The following PLEKHM2 variants were observed in gnomAD, a reference collection of about 807,000 sequenced individuals.
PLEKHM2 encodes pleckstrin homology domain-containing family M member 2.
In PLEKHM2, 77 loss-of-function variants were observed where a neutral mutation model predicts 116.3. That is an observed-to-expected ratio of 0.66 (90% CI 0.55 to 0.80). PLEKHM2 has a LOEUF of 0.80. Ranked by LOEUF, PLEKHM2 falls within the 30% of genes least tolerant of loss-of-function variation. PLEKHM2 has a pLI of 0.00. For synonymous variants in PLEKHM2, 562 were observed against 571.0 expected, an observed-to-expected ratio of 0.98 and a Z score of 0.22; for missense variants, 1,183 against 1,354.9, an observed-to-expected ratio of 0.87 and a Z score of 1.99.
chr1:15,682,620 AAAAC>A (rs1214920591), upstream of PLEKHM2, among the ~76,000 whole-genome samples: 1 of 110,236 alleles, frequency 9.1e-6, no homozygotes, highest in Non-Finnish European at 1.8e-5. Flanking sequence ...CTCTGTCTCA[AAAAC>A]AAACAAAACA....
At chr1:15,688,790 A>C (rs1168929907) in intron 1 of PLEKHM2, among the ~76,000 whole-genome samples, 1 of 152,204 alleles carries the variant, frequency 6.6e-6, no homozygotes, top group Non-Finnish European at 1.5e-5. Flanking sequence ...GAAATGTCCA[A>C]GTCAACGACA....
intron 1 of PLEKHM2, among the ~76,000 whole-genome samples, chr1:15,691,221 C>T (rs983063248): frequency 6.6e-6 from 1 of 152,104 alleles, no homozygotes; most frequent in Non-Finnish European, 1.5e-5. Context: ...AGACATATGC[C>T]ACCACGTCCA....
At chr1:15,688,394 G>A (rs1640815119) in intron 1 of PLEKHM2, among the ~76,000 whole-genome samples, 1 of 152,200 alleles carries the variant, frequency 6.6e-6, no homozygotes, top group African/African-American at 2.4e-5. Flanking sequence ...GCTCACGCCT[G>A]TAATCCCAGC....
chr1:15,712,972 T>G (rs1553159495), intron 1 of PLEKHM2, among the ~76,000 whole-genome samples: 2 of 152,198 alleles, frequency 1.3e-5, no homozygotes, highest in Non-Finnish European at 2.9e-5. Context: ...AGCTAATTTT[T>G]GTATTTTTAG....
rs780949383 is a variant in PLEKHM2 at position 15,727,058 on chromosome 1, C to G, written c.986C>G (p.Ser329Ter). The change falls in exon 9 of 20, where the codon TCA (serine) becomes TGA (stop). Residue 329 changes from serine to a stop codon, truncating the protein, a stop_gained. Transcript: ENST00000375799. LOFTEE classifies it high-confidence loss of function. This position sits in a 1 kb window ranked among gnomAD's most constrained non-coding sequence, Gnocchi z 7.5. The stretch of plus-strand genomic sequence containing the variant: ...ATTGGCAAGAAGAAAAAGAGCAGAT[C>G]AGATGAGGAGGCAAGTCCACTCCAC... The part of the protein sequence containing the change: ...KKIGKKKKSR[S>*]DEEASPLHPA... 1.3e-6 allele frequency: 2 copies of G among 1,499,050 alleles called. No homozygotes were observed. The highest frequency in any genetic ancestry group is 2.4e-5 in the Admixed American group (1 of 41,046). The allele number at this position is 1,499,050 out of a possible 1,614,324, so 92.9% of individuals were successfully genotyped here. A position where few individuals can be genotyped will look rare whatever the true frequency, so the allele number is the denominator to read the frequency against.
chr1:15,682,285 C>T (rs1188216129), upstream of PLEKHM2, among the ~76,000 whole-genome samples: 3 of 151,932 alleles, frequency 2.0e-5, no homozygotes, highest in East Asian at 5.8e-4. Flanking sequence ...CCCGTCTCTA[C>T]TAAAAATACA....
At chr1:15,724,096 T>G (rs1396410165) in intron 7 of PLEKHM2, among the ~76,000 whole-genome samples, 1 of 151,948 alleles carries the variant, frequency 6.6e-6, no homozygotes, top group Non-Finnish European at 1.5e-5. Context: ...GGCAGATGGC[T>G]GGGTGGGGCG....
chr1:15,682,872 C>T (rs898379874), upstream of PLEKHM2: 7 of 152,172 alleles, frequency 4.6e-5, no homozygotes, highest in African/African-American at 1.7e-4. Flanking sequence ...AGGGACTAAT[C>T]TATGTGTCAG....
At chr1:15,691,882 G>A (rs1640894512) in intron 1 of PLEKHM2, among the ~76,000 whole-genome samples, 2 of 152,118 alleles carry the variant, frequency 1.3e-5, no homozygotes, top group African/African-American at 2.4e-5. Context: ...GCTGAGGTGG[G>A]AGGATCACTT....
chr1:15,733,432 C>T (rs1169740903), intron 19 of PLEKHM2, among the ~76,000 whole-genome samples: 1 of 152,252 alleles, frequency 6.6e-6, no homozygotes, highest in South Asian at 2.1e-4. Context: ...CCTGCACAAG[C>T]GGGTTTTGAG....
rs185778037 is a variant in PLEKHM2, at chr1:15,724,310, C to T, written c.713-1007C>T. On this transcript the variant is annotated intron_variant, in intron 7 of 19. Transcript: ENST00000375799. ...CCATCCTGGCCAACATGGTGAAACC[C>T]CAGCTCTACTAAAAATACAAAAATT... Among the ~76,000 whole-genome samples the T allele has an allele frequency of 8.0e-3, 1,215 of 152,234 alleles. 15 individuals carry two copies. The highest frequency in any genetic ancestry group is 0.027 in the African/African-American group (1,106 of 41,532).
chr1:15,694,782 G>A (rs1352349335), intron 1 of PLEKHM2, among the ~76,000 whole-genome samples: 1 of 149,576 alleles, frequency 6.7e-6, no homozygotes, highest in African/African-American at 2.5e-5. Context: ...TTTTGAGACA[G>A]AGTCTCACTC....
chr1:15,732,386 C>G lies in PLEKHM2; in HGVS notation c.2662C>G (p.Pro888Ala), dbSNP rs1302749339. 8.3e-6 allele frequency: 13 copies of G among 1,560,984 alleles called. No homozygotes were observed. The highest frequency in any genetic ancestry group is 8.7e-7 in the Non-Finnish European group (1 of 1,152,706). Residue 888 changes from proline to alanine, a missense_variant, in exon 18 of 20, where the codon CCC becomes GCC. By Grantham distance (27) the Pro-to-Ala change is conservative (BLOSUM62 -1). Transcript: ENST00000375799. Reference sequence around the variant, plus strand: ...GGGCGTAGCTCCCAGCCCCTGCATACCCTGCTGCCTGGTCCTCACGGATGA... The same window carrying G: ...GGGCGTAGCTCCCAGCCCCTGCATAGCCTGCTGCCTGGTCCTCACGGATGA... The part of the protein sequence containing the change: ...PQGVAPSPCI[P>A]CCLVLTDDRL...
At chr1:15,717,105 C>T (rs1418777229) in intron 3 of PLEKHM2, among the ~76,000 whole-genome samples, 1 of 152,144 alleles carries the variant, frequency 6.6e-6, no homozygotes. Flanking sequence ...TTAAATATTA[C>T]ATGGATGTCT....
In PLEKHM2 at chr1:15,733,886, G is replaced by C. The variant is rs754312823; in HGVS notation, c.3012G>C (p.Arg1004=). 6.2e-5 allele frequency: 100 copies of C among 1,612,852 alleles called. No homozygotes were observed. Among genetic ancestry groups the C allele is most frequent in the Non-Finnish European group, 7.9e-5 (93 of 1,179,854 alleles). ...ALSLIHSAWQ[R]SDSLCRGRAS... ...GCCTCATCCACAGCGCCTGGCAGCG[G>C]AGCGACAGTCTCTGCCGCGGCCGAG... Residue 1004 remains arginine (R), a synonymous_variant, in exon 20 of 20, where the codon CGG becomes CGC. Transcript: ENST00000375799.
intron 1 of PLEKHM2, among the ~76,000 whole-genome samples, chr1:15,697,484 T>G (rs1431854891): frequency 6.6e-6 from 1 of 152,242 alleles, no homozygotes; most frequent in Non-Finnish European, 1.5e-5. Flanking sequence ...AGAGGAAGCA[T>G]TTAGCTGCTT....
At chr1:15,699,988 C>A (rs1641077450) in intron 1 of PLEKHM2, among the ~76,000 whole-genome samples, 1 of 139,872 alleles carries the variant, frequency 7.1e-6, no homozygotes. Context: ...GAGCCCCCAT[C>A]TCAAAAAAAA....
At chr1:15,682,573 C>T (rs549481348), upstream of PLEKHM2, among the ~76,000 whole-genome samples, 2 of 150,790 alleles carry the variant, frequency 1.3e-5, no homozygotes, top group African/African-American at 4.9e-5. Context: ...GAGCAGAGAT[C>T]GCACCACCGC....
At chr1:15,713,153 A>G (rs923370880) in intron 1 of PLEKHM2, among the ~76,000 whole-genome samples, 5 of 152,024 alleles carry the variant, frequency 3.3e-5, no homozygotes, top group African/African-American at 7.3e-5. Flanking sequence ...GCGTTTTGCT[A>G]TGTGGCTGAG....
Sources: gnomAD v4.1 joint callset for allele counts (sites outside exome capture counted in the v4.1 genomes callset) on GRCh38, gnomAD v4.1.1 for gene constraint, Gnocchi (gnomAD v3.1) non-coding constraint, MANE v1.5 for transcripts, NCBI Gene and HGNC (gene_info 2026-07-23, HGNC 2026-07-21) for gene names.